The following DCHS2 variants were observed in gnomAD, a reference collection of about 807,000 sequenced individuals.
DCHS2 encodes protocadherin-23.
In DCHS2, 142 loss-of-function variants were observed where a neutral mutation model predicts 182.4. The ratio of observed to expected loss-of-function variants is 0.78; its 90% CI spans 0.68 to 0.89. The LOEUF is 0.89. Ranked by LOEUF, DCHS2 falls within the 40% of genes least tolerant of loss-of-function variation. The pLI is 0.00. For missense variants in DCHS2, 4,319 were observed against 4,198.6 expected (o/e 1.03, Z -0.79); for synonymous variants, 1,740 against 1,663.3 (o/e 1.05, Z -1.12).
intron 2 of DCHS2, among the ~76,000 whole-genome samples, chr4:154,366,643 A>T (rs567208593): frequency 7.2e-5 from 11 of 151,912 alleles, no homozygotes; most frequent in Admixed American, 6.6e-4. Context: ...GTATATATAC[A>T]CACACACACA....
chr4:154,279,495 A>G (rs745401777), intron 13 of DCHS2, among the ~76,000 whole-genome samples: 1 of 152,026 alleles, frequency 6.6e-6, no homozygotes, highest in Non-Finnish European at 1.5e-5. Flanking sequence ...AAAAACTATC[A>G]CAAGATGTAA....
At chr4:154,261,806 A>G (rs1175026526) in intron 14 of DCHS2, 1 of 152,188 alleles carries the variant, frequency 6.6e-6, no homozygotes, top group East Asian at 1.9e-4. Context: ...TACTTCACAA[A>G]CCATAGTCTG....
intron 16 of DCHS2, 120 bp downstream of exon 16, chr4:154,255,399 A>G: frequency 1.5e-6 from 2 of 1,316,034 alleles, no homozygotes; most frequent in African/African-American, 1.5e-5. Flanking sequence ...AACAAGTTGG[A>G]TCAAAGGGAT....
At chr4:154,486,871 C>T (rs535796359) in intron 1 of DCHS2, among the ~76,000 whole-genome samples, 2 of 152,232 alleles carry the variant, frequency 1.3e-5, no homozygotes, top group South Asian at 4.2e-4. Flanking sequence ...AAATTCTAGT[C>T]AGCACAATTT....
intron 1 of DCHS2, among the ~76,000 whole-genome samples, chr4:154,414,483 CTTTCTTTTTTTTTT>C (rs2110898830): frequency 8.4e-6 from 1 of 119,444 alleles, no homozygotes; most frequent in South Asian, 2.7e-4. Flanking sequence ...CTCCATACAG[CTTTCTTTTTTTTTT>C]TTTTTTTTTT....
chr4:154,390,458 G>A (rs966718098), intron 1 of DCHS2, among the ~76,000 whole-genome samples: 11 of 151,710 alleles, frequency 7.3e-5, no homozygotes, highest in Non-Finnish European at 1.2e-4. Flanking sequence ...GTAACTGGCT[G>A]ACTAATGCTC....
chr4:154,404,547 G>T (rs890634800), intron 1 of DCHS2, among the ~76,000 whole-genome samples: 11 of 152,156 alleles, frequency 7.2e-5, no homozygotes, highest in Admixed American at 2.6e-4. Flanking sequence ...GGAAAGAGTT[G>T]TTCAAATCTA....
rs962437596 is a variant in DCHS2 at position 154,236,793 on chromosome 4, A to G, written c.7859T>C (p.Leu2620Pro). The G allele has an allele frequency of 6.2e-7, 1 of 1,614,058 alleles. No individual in the cohort carries two copies. Residue 2620 changes from leucine (L) to proline (P), a missense_variant, in exon 20 of 20, where the codon CTT becomes CCT. Coordinates refer to ENST00000357232, the MANE Select transcript of DCHS2 (RefSeq NM_001358235.2). ...PYKQVGYLVL[L>P]HSLDREASAS... is the part of the protein sequence containing the mutation. ...ACTTGCTTCTCTGTCCAGACTGTGA[A>G]GCAACACAAGATAACCGACTTGCTT...
chr4:154,350,367 G>T (rs1729550786), intron 3 of DCHS2, among the ~76,000 whole-genome samples: 1 of 152,142 alleles, frequency 6.6e-6, no homozygotes, highest in African/African-American at 2.4e-5. Flanking sequence ...CTGCAGAAAG[G>T]ACTACATAAT....
Position 154,298,113 on chromosome 4 carries a change from C to A in DCHS2, c.6201G>T (p.Leu2067Phe). Reference protein sequence around the residue: ...TVIVRADDLDLGPNGTVVFSF... With the variant: ...TVIVRADDLDFGPNGTVVFSF... ...TAAAAACCACAGTTCCATTGGGCCC[C>A]AAGTCCAGGTCATCAGCTCTCACAA... The change falls in exon 13 of 20, where the codon TTG becomes TTT. Residue 2067 changes from leucine (L) to phenylalanine (F), a missense_variant. Coordinates refer to ENST00000357232, the MANE Select transcript of DCHS2 (RefSeq NM_001358235.2). 1 of 1,614,054 alleles carries A rather than the reference C, an allele frequency of 6.2e-7. No homozygotes were observed. Among genetic ancestry groups the A allele is most frequent in the Non-Finnish European group, 8.5e-7 (1 of 1,180,006 alleles).
intron 1 of DCHS2, among the ~76,000 whole-genome samples, chr4:154,436,213 A>C (rs906503269): frequency 1.3e-5 from 2 of 152,246 alleles, no homozygotes; most frequent in Admixed American, 1.3e-4. Flanking sequence ...TTTTATCAAT[A>C]ATAAGGCTGA....
At chr4:154,464,980 C>G (rs1735178322) in intron 1 of DCHS2, among the ~76,000 whole-genome samples, 1 of 152,144 alleles carries the variant, frequency 6.6e-6, no homozygotes, top group Non-Finnish European at 1.5e-5. Flanking sequence ...GTTAGCACCC[C>G]CAGGCAACTG....
chr4:154,460,591 G>C (rs988298280), intron 1 of DCHS2, among the ~76,000 whole-genome samples: 1 of 152,178 alleles, frequency 6.6e-6, no homozygotes, highest in African/African-American at 2.4e-5. Context: ...GGACTGGAAA[G>C]GGCTCTGCTT....
intron 1 of DCHS2, among the ~76,000 whole-genome samples, chr4:154,481,448 G>C (rs1735916527): frequency 6.6e-6 from 1 of 151,876 alleles, no homozygotes; most frequent in South Asian, 2.1e-4. Flanking sequence ...TTTTTGTAGA[G>C]GTTTTGCTCT....
At chr4:154,353,338 T>C (rs1485916944) in intron 3 of DCHS2, among the ~76,000 whole-genome samples, 1 of 141,520 alleles carries the variant, frequency 7.1e-6, no homozygotes, top group Non-Finnish European at 1.5e-5. Context: ...TCAACATGAG[T>C]GAGACCAAGA....
intron 15 of DCHS2, among the ~76,000 whole-genome samples, chr4:154,257,543 C>T (rs1438381446): frequency 6.6e-6 from 1 of 152,142 alleles, no homozygotes; most frequent in African/African-American, 2.4e-5. Flanking sequence ...GTTCACCACA[C>T]CTTTGGCGGG....
At chr4:154,387,883 A>G (rs555676914) in intron 1 of DCHS2, among the ~76,000 whole-genome samples, 1 of 152,264 alleles carries the variant, frequency 6.6e-6, no homozygotes. Flanking sequence ...GACAATTCAT[A>G]GAAAAATATA....
chr4:154,251,315 C>T (rs187991577), intron 16 of DCHS2, among the ~76,000 whole-genome samples: 16 of 152,286 alleles, frequency 1.1e-4, no homozygotes, highest in Admixed American at 2.6e-4. Flanking sequence ...TCATTCACAT[C>T]GGCTAGAATC....
rs533494151 is a variant in DCHS2, at chr4:154,266,109, G to A, written c.6577+3791C>T. Among the ~76,000 whole-genome samples, 6 of 152,264 alleles carry A rather than the reference G, an allele frequency of 3.9e-5. No homozygotes were observed. The South Asian group carries it at 1.2e-3, about 32-fold the overall frequency. On this transcript the variant is annotated intron_variant, in intron 14 of 19. Transcript: ENST00000357232. Reference sequence around the variant, plus strand: ...CATCCTTCTTCTTGTGATGATGTGAGATGACAAAATGCCCACATGATAAGG... The same window carrying A: ...CATCCTTCTTCTTGTGATGATGTGAAATGACAAAATGCCCACATGATAAGG...
Sources: allele counts gnomAD v4.1 joint callset (sites outside exome capture counted in the v4.1 genomes callset), GRCh38; gene constraint gnomAD v4.1.1; transcripts MANE v1.5; gene names NCBI Gene and HGNC (gene_info 2026-07-23, HGNC 2026-07-21).